The following SRCAP variants were observed in gnomAD, a reference collection of about 807,000 sequenced individuals.
SRCAP encodes the protein Snf2 related CREBBP activator protein.
In SRCAP, 46 loss-of-function variants were observed where a neutral mutation model predicts 263.1. The ratio of observed to expected loss-of-function variants is 0.17; its 90% confidence interval spans 0.14 to 0.22. The LOEUF (loss-of-function observed/expected upper bound fraction) is 0.22. Ranked by LOEUF, SRCAP falls within the 10% of genes least tolerant of loss-of-function variation. The pLI is 1.00. For missense variants in SRCAP, 3,695 were observed against 4,181.9 expected, an observed-to-expected ratio of 0.88 and a Z score of 3.21; for synonymous variants, 1,813 against 1,662.1, an observed-to-expected ratio of 1.09 and a Z score of -2.21.
At chr16:30,715,269 A>T (rs1223110939) in intron 16 of SRCAP, among the ~76,000 whole-genome samples, 5 of 152,250 alleles carry the variant, frequency 3.3e-5, no homozygotes. Flanking sequence ...AAACTAAGCT[A>T]GAAAACAGGA....
intron 8 of SRCAP, 59 bp from the exon 9 acceptor site, chr16:30,710,695 T>C (rs773612645): frequency 6.4e-7 from 1 of 1,554,448 alleles, no homozygotes; most frequent in Non-Finnish European, 8.9e-7. Flanking sequence ...TTCAAGTTTG[T>C]GCCATTCTTC....
At position 30,737,114 on chromosome 16, in the gene SRCAP, AGAG is replaced by A. The variant is rs753646088; in HGVS notation, c.7085_7087del (p.Glu2362del). On this transcript the variant is annotated inframe_deletion, in exon 34 of 34. Transcript: ENST00000262518. ...AGGAGGAGGTGTTCCGCCTACCCCA[AGAG>A]GAGGAGGAGGGGCCGGGGGCTGGGG... The A allele has an allele frequency of 1.2e-6, 2 of 1,613,108 alleles. No individual in the cohort carries two copies. The highest frequency in any genetic ancestry group is 1.7e-6 in the Non-Finnish European group (2 of 1,179,476).
Position 30,720,695 on chromosome 16 carries a change from C to A in SRCAP, c.2988-18C>A. On this transcript the variant is annotated intron_variant, in intron 19 of 33. Transcript: ENST00000262518. ...TTCTCCTTCTGTCCCTACCCACTCT[C>A]TTAATTTTTTCTCACAGGATGCTGC... is the stretch of plus-strand genomic sequence containing the variant. 1 of 1,577,318 alleles carries A rather than the reference C, an allele frequency of 6.3e-7. No individual in the cohort carries two copies. Among genetic ancestry groups the A allele is most frequent in the Non-Finnish European group, 8.6e-7 (1 of 1,159,012 alleles).
chr16:30,711,140 C>CA, intron 10 of SRCAP, 52 bp downstream of exon 10: 19 of 1,409,434 alleles, frequency 1.3e-5, no homozygotes, highest in Non-Finnish European at 1.9e-5. Flanking sequence ...CTGCGGTGTG[C>CA]AGTACCAAGG....
chr16:30,717,300 T>C (rs2151290951), intron 18 of SRCAP, among the ~76,000 whole-genome samples: 1 of 152,314 alleles, frequency 6.6e-6, no homozygotes, highest in South Asian at 2.1e-4. Context: ...TGGGTGTTTG[T>C]GTGGTGGTTG....
intron 18 of SRCAP, among the ~76,000 whole-genome samples, chr16:30,717,134 C>T (rs2052958562): frequency 6.6e-6 from 1 of 152,034 alleles, no homozygotes; most frequent in Non-Finnish European, 1.5e-5. Flanking sequence ...TTTTTAATTA[C>T]ACCCATATTA....
Position 30,722,726 on chromosome 16 carries a change from C to T in SRCAP, c.3870C>T (p.Ser1290=). ...PSTTPAPTGL[S]LPLAANQVPP... Reference sequence around the variant, plus strand: ...CCACCCCTGCCCCTACTGGCCTCAGCCTTCCGCTTGCTGCTAACCAGGGTG... The same window carrying T: ...CCACCCCTGCCCCTACTGGCCTCAGTCTTCCGCTTGCTGCTAACCAGGGTG... The change falls in exon 23 of 34, where the codon AGC becomes AGT. Residue 1290 remains serine (S), a synonymous_variant. Coordinates refer to ENST00000262518, the MANE Select transcript of SRCAP (RefSeq NM_006662.3). 1 of 1,612,408 alleles carries T rather than the reference C, an allele frequency of 6.2e-7. No homozygotes were observed. The highest frequency in any genetic ancestry group is 8.5e-7 in the Non-Finnish European group (1 of 1,178,882).
intron 27 of SRCAP, among the ~76,000 whole-genome samples, chr16:30,730,534 C>T (rs533406737): frequency 4.6e-5 from 7 of 152,144 alleles, no homozygotes; most frequent in Admixed American, 1.3e-4. Context: ...TGGGTTCAAG[C>T]GATTCTCCTG....
At chr16:30,722,937 C>T (rs1445368301) in intron 23 of SRCAP, 26 bp from the exon 24 acceptor site, 1 of 1,587,494 alleles carries the variant, frequency 6.3e-7, no homozygotes, top group Non-Finnish European at 8.6e-7. Flanking sequence ...TTTCTACCTT[C>T]CTCTCAGTGT....
intron 4 of SRCAP, among the ~76,000 whole-genome samples, chr16:30,706,905 T>C (rs1212748101): frequency 1.3e-5 from 2 of 152,232 alleles, no homozygotes; most frequent in Non-Finnish European, 2.9e-5. Flanking sequence ...ATTTGCTGTC[T>C]GGAGTCCTCA....
chr16:30,723,258 C>G, intron 24 of SRCAP, 29 bp downstream of exon 24: 1 of 1,570,326 alleles, frequency 6.4e-7, no homozygotes, highest in Admixed American at 1.9e-5. Context: ...GGCCAGAAAT[C>G]CTTGCCAGGA....
Position 30,736,640 on chromosome 16 carries a change from G to C in SRCAP, c.7008+16G>C, listed in dbSNP as rs949121666. The C allele has an allele frequency of 6.2e-6, 10 of 1,613,392 alleles. No homozygotes were observed. In the Admixed American group the frequency reaches 6.7e-5, roughly 11 times the overall value. On this transcript the variant is annotated intron_variant, in intron 33 of 33. Transcript: ENST00000262518. The stretch of plus-strand genomic sequence containing the variant: ...ACAGGCAGAAGTGAGTATTTCCAGG[G>C]GTGGGGCTGGCAGTTGGAAGCTGCT...
chr16:30,708,968 G>A (rs911905337), intron 6 of SRCAP, among the ~76,000 whole-genome samples: 1 of 152,090 alleles, frequency 6.6e-6, no homozygotes, highest in Non-Finnish European at 1.5e-5. Flanking sequence ...ACAGGTGCCC[G>A]CCACCACGCC....
Position 30,716,425 on chromosome 16 carries a change from C to T in SRCAP, c.2763C>T (p.Ile921=). 6.2e-7 allele frequency: 1 copy of T among 1,614,242 alleles called. No homozygotes were observed. Among genetic ancestry groups the T allele is most frequent in the Non-Finnish European group, 8.5e-7 (1 of 1,180,042 alleles). ...PVTSPFITPG[I]CFSTASLVLR... The stretch of plus-strand genomic sequence containing the variant: ...CCTCCCCTTTCATCACCCCAGGCAT[C>T]TGCTTCAGCACCGCCTCTCTGGTGC... The change falls in exon 18 of 34, where the codon ATC becomes ATT. Residue 921 remains isoleucine (I), a synonymous_variant. Coordinates refer to ENST00000262518, the MANE Select transcript of SRCAP (RefSeq NM_006662.3).
intron 31 of SRCAP, among the ~76,000 whole-genome samples, chr16:30,735,796 G>T (rs2053155594): frequency 1.3e-5 from 2 of 151,502 alleles, no homozygotes; most frequent in Admixed American, 1.3e-4. Flanking sequence ...GGTCAGGCTG[G>T]TCTCGAACTC....
rs1234227040 is a variant in SRCAP, at chr16:30,709,717, T to G, written c.838T>G (p.Ser280Ala). Residue 280 changes from serine (S) to alanine (A), a missense_variant, in exon 7 of 34, where the codon TCT becomes GCT. Physicochemically the swap from Ser to Ala is moderately conservative, Grantham distance 99. Transcript: ENST00000262518. ...SAASSPPPPA[S>A]RLDDEDGDFQ... is the part of the protein sequence containing the mutation. ...TGCCTCCAGTCCTCCACCCCCTGCT[T>G]CTCGCCTGGATGATGAAGGTGTGTG... The G allele has an allele frequency of 6.2e-7, 1 of 1,614,154 alleles. No homozygotes were observed. Among genetic ancestry groups the G allele is most frequent in the East Asian group, 2.2e-5 (1 of 44,880 alleles).
chr16:30,730,795 G>A (rs1335500567), intron 27 of SRCAP, among the ~76,000 whole-genome samples: 1 of 149,420 alleles, frequency 6.7e-6, no homozygotes, highest in Non-Finnish European at 1.5e-5. Context: ...AGCCTCCCGA[G>A]TAGCTGGGAT....
Position 30,739,582 on chromosome 16 carries a change from A to T in SRCAP, c.9542A>T (p.Glu3181Val). ...GAGGCTGAAGCCTCAGGTGAGGAGG[A>T]GGAAGGGGATGGGACCCCACGCCGA... ...ESEAEASGEEEEGDGTPRRRP... is the reference protein window; with the variant it reads ...ESEAEASGEEVEGDGTPRRRP... The change falls in exon 34 of 34, where the codon GAG becomes GTG. Residue 3181 changes from glutamate to valine, a missense_variant. By Grantham distance (121) the Glu-to-Val change is moderately radical. Transcript: ENST00000262518. 2 of 1,604,576 alleles carry T rather than the reference A, an allele frequency of 1.2e-6. No individual in the cohort carries two copies. Among genetic ancestry groups the T allele is most frequent in the Non-Finnish European group, 1.7e-6 (2 of 1,176,026 alleles).
At position 30,738,110 on chromosome 16, in the gene SRCAP, A is replaced by G; in HGVS notation, c.8070A>G (p.Pro2690=). ...AKTPTSSPEK[P]QELVTAEVAA... is the part of the protein sequence containing the mutation. ...CCCCAACCTCCAGCCCAGAGAAGCC[A>G]CAGGAACTCGTTACAGCTGAGGTTG... Residue 2690 remains proline, a synonymous_variant, in exon 34 of 34, where the codon CCA becomes CCG. Transcript: ENST00000262518. 1 of 1,614,138 alleles carries G rather than the reference A, an allele frequency of 6.2e-7. No individual in the cohort carries two copies. The highest frequency in any genetic ancestry group is 8.5e-7 in the Non-Finnish European group (1 of 1,180,012).
Sources: allele counts gnomAD v4.1 joint callset (sites outside exome capture counted in the v4.1 genomes callset), GRCh38; gene constraint gnomAD v4.1.1; transcripts MANE v1.5; gene names NCBI Gene and HGNC (gene_info 2026-07-23, HGNC 2026-07-21).